TASOR: variants seen among roughly 807,000 people sequenced by gnomAD.
TASOR encodes protein TASOR.
In TASOR, 53 loss-of-function variants were observed where a neutral mutation model predicts 178.6. The observed-to-expected ratio is 0.30, with a 90% CI of 0.24 to 0.37. The LOEUF (loss-of-function observed/expected upper bound fraction) is 0.37. Among genes scored for constraint, TASOR ranks in the 10% least tolerant of loss-of-function variants. The pLI, the probability that TASOR is intolerant of heterozygous loss-of-function variation, is 1.00. For missense variants in TASOR, 1,815 were observed against 1,971.4 expected, an observed-to-expected ratio of 0.92 and a Z score of 1.50; for synonymous variants, 713 against 696.2, an observed-to-expected ratio of 1.02 and a Z score of -0.38.
intron 14 of TASOR, among the ~76,000 whole-genome samples, chr3:56,644,914 T>C (rs912284322): frequency 1.3e-5 from 2 of 152,236 alleles, no homozygotes. Context: ...TTCATTTTAA[T>C]TCAAACTTAA....
chr3:56,677,662 C>T (rs943209301), intron 1 of TASOR, among the ~76,000 whole-genome samples: 1 of 152,154 alleles, frequency 6.6e-6, no homozygotes, highest in African/African-American at 2.4e-5. Context: ...GGAAAAATGA[C>T]TGTTTCCTCA....
In TASOR at chr3:56,628,522, T is replaced by G. The variant is rs1209272394; in HGVS notation, c.3840A>C (p.Gln1280His). 3.1e-6 allele frequency: 5 copies of G among 1,605,276 alleles called. No homozygotes were observed. The highest frequency in any genetic ancestry group is 4.3e-6 in the Non-Finnish European group (5 of 1,174,288). ...GAATGAAACCTGCAATGTCTTCATT[T>G]TGAATAATAATCAATAGTTTATCTA... ...SKLDKLLIIIQNEDIAGFIHK... is the reference protein window; with the variant it reads ...SKLDKLLIIIHNEDIAGFIHK... Residue 1280 changes from glutamine (Q) to histidine (H), a missense_variant, in exon 19 of 24, where the codon CAA becomes CAC. Gln to His is a conservative substitution (Grantham distance 24). Around this residue, in one of 5 missense-constraint regions of TASOR, gnomAD observed 134 missense variants for 195.2 expected, o/e 0.69. Transcript: ENST00000683822.
At chr3:56,670,622 C>G (rs1443929532) in intron 3 of TASOR, among the ~76,000 whole-genome samples, 1 of 152,060 alleles carries the variant, frequency 6.6e-6, no homozygotes, top group Non-Finnish European at 1.5e-5. Context: ...ATTATTCCAC[C>G]TAAATATCTT....
intron 21 of TASOR, among the ~76,000 whole-genome samples, chr3:56,625,902 G>A (rs565097591): frequency 6.5e-4 from 99 of 152,196 alleles, no homozygotes; most frequent in African/African-American, 2.3e-3. Flanking sequence ...GATTACAGGC[G>A]TAAGCCACCG....
intron 8 of TASOR, 93 bp from the exon 9 acceptor site, chr3:56,662,583 G>C (rs1185074289): frequency 8.0e-6 from 4 of 500,468 alleles, no homozygotes; most frequent in Non-Finnish European, 6.9e-6. Flanking sequence ...AAAATATCTA[G>C]AAACAAGGTT....
Position 56,633,419 on chromosome 3 carries a change from G to A in TASOR, c.3372C>T (p.Ser1124=). The change falls in exon 18 of 24, where the codon TCC becomes TCT. Residue 1124 remains serine, a synonymous_variant. Coordinates refer to ENST00000683822, the MANE Select transcript of TASOR (RefSeq NM_001365635.2). ...NPLERHVIPV[S]SSDFNNKHLL... ...GATGTTTATTGTTGAAGTCACTTGA[G>A]GAAACTGGTATGACATGCCTTTCCA... 6.2e-7 allele frequency: 1 copy of A among 1,614,090 alleles called. No homozygotes were observed. The highest frequency in any genetic ancestry group is 8.5e-7 in the Non-Finnish European group (1 of 1,179,986).
At chr3:56,646,342 TGA>T (rs372761893) in intron 14 of TASOR, among the ~76,000 whole-genome samples, 178 bp downstream of exon 14, 1 of 152,318 alleles carries the variant, frequency 6.6e-6, no homozygotes, top group African/African-American at 2.4e-5. Context: ...CATGACAGCA[TGA>T]GAGCAGCTAC....
intron 8 of TASOR, among the ~76,000 whole-genome samples, chr3:56,663,171 ACT>A (rs746218221): frequency 2.0e-5 from 3 of 151,930 alleles, no homozygotes; most frequent in Non-Finnish European, 4.4e-5. Flanking sequence ...CGAGAGTAAG[ACT>A]CTGTCTCAGA....
At chr3:56,663,408 G>A (rs946220349) in intron 8 of TASOR, 133 bp downstream of exon 8, 4 of 427,574 alleles carry the variant, frequency 9.4e-6, no homozygotes, top group African/African-American at 2.1e-5. Flanking sequence ...AACCAAATGC[G>A]CTGATGCTAC....
chr3:56,672,427 A>G (rs1160156355), intron 2 of TASOR, among the ~76,000 whole-genome samples: 1 of 152,222 alleles, frequency 6.6e-6, no homozygotes, highest in Non-Finnish European at 1.5e-5. Flanking sequence ...GGAACCTTTC[A>G]AAATTAAATC....
Position 56,669,728 on chromosome 3 carries a change from C to T in TASOR, c.707G>A (p.Gly236Asp). The change falls in exon 5 of 24, where the codon GGT (glycine) becomes GAT (aspartate). Residue 236 changes from glycine to aspartate, a missense_variant. Gly to Asp is a moderately conservative substitution (Grantham distance 94). Coordinates refer to ENST00000683822, the MANE Select transcript of TASOR (RefSeq NM_001365635.2). ...QANPLDTGAM[G>D]DVVIFKIMKG... Reference sequence around the variant, plus strand: ...CATTATTTTAAAAATAACAACATCACCCATTGCCCCCGTGTCCAAAGGATT... The same window carrying T: ...CATTATTTTAAAAATAACAACATCATCCATTGCCCCCGTGTCCAAAGGATT... 3 of 1,548,834 alleles carry T rather than the reference C, an allele frequency of 1.9e-6. No individual in the cohort carries two copies. Among genetic ancestry groups the T allele is most frequent in the Non-Finnish European group, 2.6e-6 (3 of 1,145,370 alleles).
Position 56,621,506 on chromosome 3 carries a change from A to G in TASOR, c.*1531T>C, listed in dbSNP as rs1418411169. On this transcript the variant is annotated 3_prime_UTR_variant, in exon 24 of 24. Coordinates refer to ENST00000683822, the MANE Select transcript of TASOR (RefSeq NM_001365635.2). ...CAAGTCAGGTGTGCACATTTTACTA[A>G]CAAACATATATCAATGTGATTTCAG... 1 of 1,471,958 alleles carries G rather than the reference A, an allele frequency of 6.8e-7. No homozygotes were observed. The highest frequency in any genetic ancestry group is 9.3e-7 in the Non-Finnish European group (1 of 1,074,940). 91.2% of individuals were successfully genotyped at this position (1,471,958 alleles called of 1,614,324 possible). A position where few individuals can be genotyped will look rare whatever the true frequency, so the allele number is the denominator to read the frequency against.
At position 56,683,161 on chromosome 3, in the gene TASOR, C is replaced by T. The variant is rs1230411507; in HGVS notation, c.-155G>A. ...GGCTGCGCTCCCGACCTGGCAGCCTCTTGGGGGGCCCTGTAGCGGGCACCC... is the reference window on the plus strand; with the variant it reads ...GGCTGCGCTCCCGACCTGGCAGCCTTTTGGGGGGCCCTGTAGCGGGCACCC... On this transcript the variant is annotated 5_prime_UTR_variant, in exon 1 of 24. Coordinates refer to ENST00000683822, the MANE Select transcript of TASOR (RefSeq NM_001365635.2). The T allele has an allele frequency of 1.3e-4, 101 of 784,514 alleles. No homozygotes were observed. Among genetic ancestry groups the T allele is most frequent in the Non-Finnish European group, 1.2e-4 (61 of 510,280 alleles). The allele number at this position is 784,514 out of a possible 1,614,324, so 48.6% of individuals were successfully genotyped here. A position where few individuals can be genotyped will look rare whatever the true frequency, so the allele number is the denominator to read the frequency against.
chr3:56,658,985 CGT>C (rs1165945833), intron 11 of TASOR, among the ~76,000 whole-genome samples: 7 of 148,446 alleles, frequency 4.7e-5, no homozygotes, highest in Non-Finnish European at 7.4e-5. Flanking sequence ...TGTGTGCACG[CGT>C]GTGTGTTTTA....
At chr3:56,653,962 C>T (rs185878474) in intron 11 of TASOR, among the ~76,000 whole-genome samples, 9 of 152,118 alleles carry the variant, frequency 5.9e-5, no homozygotes, top group Admixed American at 2.0e-4. Context: ...AATAGCAAAA[C>T]AAGTCTCAAA....
At chr3:56,671,399 A>G (rs975253481) in intron 3 of TASOR, 77 of 490,024 alleles carry the variant, frequency 1.6e-4, no homozygotes, top group Non-Finnish European at 2.4e-4. Context: ...AGGGGAAGAA[A>G]ATAGGACTGG....
At position 56,627,591 on chromosome 3, in the gene TASOR, C is replaced by T; in HGVS notation, c.4021G>A (p.Val1341Ile). Residue 1341 changes from valine (V) to isoleucine (I), a missense_variant, in exon 20 of 24, where the codon GTC becomes ATC. By Grantham distance (29) the Val-to-Ile change is conservative. This residue lies in a region of TASOR where 134 missense variants were observed against 195.2 expected (regional missense o/e 0.69). Transcript: ENST00000683822. Reference protein sequence around the residue: ...SDESILNPEVVTVENLKNFLT... With the variant: ...SDESILNPEVITVENLKNFLT... ...AAGAACATCATCTTACCAACTGTGACAACCTCTGGGTTTAGAATTGATTCA... is the reference window on the plus strand; with the variant it reads ...AAGAACATCATCTTACCAACTGTGATAACCTCTGGGTTTAGAATTGATTCA... The T allele has an allele frequency of 6.2e-7, 1 of 1,614,028 alleles. No homozygotes were observed. The highest frequency in any genetic ancestry group is 8.5e-7 in the Non-Finnish European group (1 of 1,179,958).
At chr3:56,643,183 A>G (rs1195973177) in intron 14 of TASOR, among the ~76,000 whole-genome samples, 1 of 149,626 alleles carries the variant, frequency 6.7e-6, no homozygotes, top group Non-Finnish European at 1.5e-5. Flanking sequence ...AGAATCGCTT[A>G]ACCCAGGAGG....
In TASOR at chr3:56,621,698, C is replaced by A; in HGVS notation, c.*1339G>T. On this transcript the variant is annotated 3_prime_UTR_variant, in exon 24 of 24. Transcript: ENST00000683822. ...TGCTCACTGGCTCAACTGTATTTTT[C>A]AAATAGCCTAGATTTACTTATTTTT... The A allele has an allele frequency of 1.1e-6, 1 of 911,434 alleles. No homozygotes were observed. 56.5% of individuals were successfully genotyped at this position (911,434 alleles called of 1,614,324 possible).
Sources: allele counts gnomAD v4.1 joint callset (sites outside exome capture counted in the v4.1 genomes callset), GRCh38; gene constraint gnomAD v4.1.1; regional missense constraint gnomAD v4.1.1; transcripts MANE v1.5; gene names NCBI Gene and HGNC (gene_info 2026-07-23, HGNC 2026-07-21).